Variants in LMBR1 observed in about 807,000 individuals in gnomAD.
LMBR1 encodes limb region 1 protein homolog.
LMBR1 carries 52 observed loss-of-function variants against 73.9 expected under a neutral mutation model. The observed-to-expected ratio is 0.70, with a 90% confidence interval of 0.56 to 0.89. The LOEUF is 0.89. Ranked by LOEUF, LMBR1 falls within the 40% of genes least tolerant of loss-of-function variation. The pLI is 0.00. For missense variants in LMBR1, 539 were observed against 579.8 expected (o/e 0.93, Z 0.72); for synonymous variants, 215 against 209.4 (o/e 1.03, Z -0.23).
At chr7:156,776,887 T>C (rs773279784) in intron 5 of LMBR1, among the ~76,000 whole-genome samples, 1 of 152,122 alleles carries the variant, frequency 6.6e-6, no homozygotes, top group Non-Finnish European at 1.5e-5. Context: ...TACTTGGCAA[T>C]CTTTATACTG....
intron 1 of LMBR1, among the ~76,000 whole-genome samples, chr7:156,887,085 A>G (rs1802030015): frequency 6.6e-6 from 1 of 152,232 alleles, no homozygotes; most frequent in Non-Finnish European, 1.5e-5. Flanking sequence ...TAATAGCCAA[A>G]GTCAAATATG....
chr7:156,804,435 A>T (rs1274391035), intron 4 of LMBR1, among the ~76,000 whole-genome samples: 2 of 152,232 alleles, frequency 1.3e-5, no homozygotes, highest in African/African-American at 4.8e-5. Context: ...CCTGTTTAAC[A>T]TTTTAAGAAA....
Position 156,728,725 on chromosome 7 carries a change from TA to T in LMBR1, c.839-6del. On this transcript the variant is annotated splice_polypyrimidine_tract_variant and splice_region_variant and intron_variant, in intron 10 of 16. Coordinates refer to ENST00000353442, the MANE Select transcript of LMBR1 (RefSeq NM_022458.4). ...CTGAAGCCTTTTTTCGCCTCTCTAT[TA>T]AAAGGAAAAACAAAATAAAACAAAG... 6.3e-7 allele frequency: 1 copy of T among 1,588,352 alleles called. No homozygotes were observed. Among genetic ancestry groups the T allele is most frequent in the South Asian group, 1.2e-5 (1 of 85,882 alleles).
At chr7:156,756,360 T>A in intron 9 of LMBR1, 33 bp downstream of exon 9, 1 of 1,008,540 alleles carries the variant, frequency 9.9e-7, no homozygotes, top group Admixed American at 1.9e-5. Context: ...AAAGATTTTT[T>A]TATCCCCGTC....
intron 5 of LMBR1, among the ~76,000 whole-genome samples, chr7:156,792,264 G>A (rs1829353456): frequency 6.6e-6 from 1 of 152,082 alleles, no homozygotes; most frequent in African/African-American, 2.4e-5. Context: ...GCCACATACT[G>A]CAGAAAAAGC....
chr7:156,676,276 G>A (rs1411902068), downstream of LMBR1: 2 of 1,557,634 alleles, frequency 1.3e-6, no homozygotes, highest in Admixed American at 3.8e-5. Context: ...TAAATAAAAT[G>A]CATGTGATTT....
At chr7:156,857,149 A>G (rs1400818508) in intron 1 of LMBR1, among the ~76,000 whole-genome samples, 1 of 152,204 alleles carries the variant, frequency 6.6e-6, no homozygotes, top group Non-Finnish European at 1.5e-5. Context: ...TATGGTAAAT[A>G]TTAAACCAAT....
intron 9 of LMBR1, among the ~76,000 whole-genome samples, chr7:156,738,195 G>A (rs1585473635): frequency 1.3e-5 from 2 of 152,092 alleles, no homozygotes; most frequent in Non-Finnish European, 2.9e-5. Context: ...CAACAAATGG[G>A]GGACATAGAA....
At chr7:156,766,134 G>A (rs900759968) in intron 5 of LMBR1, among the ~76,000 whole-genome samples, 5 of 151,950 alleles carry the variant, frequency 3.3e-5, no homozygotes, top group Non-Finnish European at 4.4e-5. Context: ...TCTCCACGGC[G>A]CTCTCACATT....
In LMBR1 at chr7:156,720,638, TAA is replaced by T. The variant is rs1338480841; in HGVS notation, c.1225+3472_1225+3473del. On this transcript the variant is annotated intron_variant, in intron 15 of 16. Transcript: ENST00000353442. ...GTAATCAACCAAAAGTTAATTACTA[TAA>T]GTTAATAAATAACTTTAATAAAGTT... 2.0e-5 allele frequency among the ~76,000 whole-genome samples: 3 copies of T among 151,866 alleles called. No individual in the cohort carries two copies. The East Asian group carries it at 5.8e-4, about 29-fold the overall frequency.
At chr7:156,871,352 G>T (rs200481841) in intron 1 of LMBR1, among the ~76,000 whole-genome samples, 1 of 152,246 alleles carries the variant, frequency 6.6e-6, no homozygotes, top group East Asian at 1.9e-4. Flanking sequence ...ATTGATGAAT[G>T]CTACCAAACA....
intron 5 of LMBR1, among the ~76,000 whole-genome samples, chr7:156,772,211 TTGCAGTGAGCCAAGATCGTACCAC>T (rs1825321166): frequency 6.6e-6 from 1 of 152,142 alleles, no homozygotes; most frequent in East Asian, 1.9e-4. Context: ...GAGGCAGAGG[TTGCAGTGAGCCAAGATCGTACCAC>T]TGCACTCCAG....
intron 9 of LMBR1, chr7:156,747,781 C>A (rs1424401522): frequency 6.6e-6 from 1 of 152,136 alleles, no homozygotes; most frequent in African/African-American, 2.4e-5. Flanking sequence ...CCAAAGTGAT[C>A]TCTATCACAA....
At chr7:156,737,288 T>C (rs1293921178) in intron 9 of LMBR1, among the ~76,000 whole-genome samples, 1 of 152,226 alleles carries the variant, frequency 6.6e-6, no homozygotes, top group Non-Finnish European at 1.5e-5. Context: ...GTCTTCCTGC[T>C]TCTAGATTTG....
intron 1 of LMBR1, among the ~76,000 whole-genome samples, chr7:156,866,345 G>A (rs2134250618): frequency 6.6e-6 from 1 of 152,192 alleles, no homozygotes; most frequent in East Asian, 1.9e-4. Context: ...AACTTTTAAA[G>A]GCAAAGAGGA....
downstream of LMBR1, among the ~76,000 whole-genome samples, chr7:156,673,096 G>A (rs1479319117): frequency 6.6e-6 from 1 of 152,174 alleles, no homozygotes; most frequent in Non-Finnish European, 1.5e-5. Context: ...AGATCATATC[G>A]ATCATTTCAT....
chr7:156,732,847 A>T (rs1039661868), intron 10 of LMBR1, among the ~76,000 whole-genome samples: 1 of 152,304 alleles, frequency 6.6e-6, no homozygotes, highest in African/African-American at 2.4e-5. Context: ...CCTCACTTAC[A>T]CAGCTACTAT....
rs905914635 is a variant in LMBR1 at position 156,789,445 on chromosome 7, G to A, written c.423+6944C>T. On this transcript the variant is annotated intron_variant, in intron 5 of 16. Coordinates refer to ENST00000353442, the MANE Select transcript of LMBR1 (RefSeq NM_022458.4). ...ATCACAGGCTAAAATATTACCTAAC[G>A]TCAAACTATCAAACAATCTTACTGC... is the stretch of plus-strand genomic sequence containing the variant. Among the ~76,000 whole-genome samples, 2 of 152,050 alleles carry A rather than the reference G, an allele frequency of 1.3e-5. No individual in the cohort carries two copies. Among genetic ancestry groups the A allele is most frequent in the African/African-American group, 2.4e-5 (1 of 41,376 alleles).
intron 4 of LMBR1, among the ~76,000 whole-genome samples, chr7:156,816,595 A>G (rs1833956481): frequency 6.6e-6 from 1 of 152,194 alleles, no homozygotes; most frequent in South Asian, 2.1e-4. Flanking sequence ...GCAAAATAAT[A>G]AGTTTATTAG....
Sources: allele counts gnomAD v4.1 joint callset (sites outside exome capture counted in the v4.1 genomes callset), GRCh38; gene constraint gnomAD v4.1.1; transcripts MANE v1.5; gene names NCBI Gene and HGNC (gene_info 2026-07-23, HGNC 2026-07-21).